Variants in ARK2C observed in about 807,000 individuals in gnomAD.
The protein encoded by ARK2C is E3 ubiquitin-protein ligase ARK2C.
chr18:46,433,835 TC>T, the ARK2C span, among the ~76,000 whole-genome samples: 1 of 152,214 alleles, frequency 6.6e-6, no homozygotes, highest in Non-Finnish European at 1.5e-5. Context: ...TGGTCCACGA[TC>T]CTCACAGTGG....
chr18:46,460,570 T>TA, the ARK2C span: 3 of 152,602 alleles, frequency 2.0e-5, no homozygotes, highest in African/African-American at 7.2e-5. Flanking sequence ...TAATTTTTTT[T>TA]ATTACTCCTA....
chr18:46,424,301 C>T, the ARK2C span, among the ~76,000 whole-genome samples: 1 of 152,140 alleles, frequency 6.6e-6, no homozygotes, highest in African/African-American at 2.4e-5. Context: ...GGCAAGGCCC[C>T]TGGGGGTCTG....
chr18:46,358,110 G>A, the ARK2C span, among the ~76,000 whole-genome samples: 5 of 152,210 alleles, frequency 3.3e-5, 1 homozygote, highest in African/African-American at 1.2e-4. Flanking sequence ...CACACTCACA[G>A]GTACTGGGGA....
At chr18:46,382,775 G>A in the ARK2C span, among the ~76,000 whole-genome samples, 1 of 152,144 alleles carries the variant, frequency 6.6e-6, no homozygotes, top group Non-Finnish European at 1.5e-5. Context: ...CAGACTGAGG[G>A]CCAAGCCTAG....
At chr18:46,404,247 T>C in the ARK2C span, among the ~76,000 whole-genome samples, 2 of 152,212 alleles carry the variant, frequency 1.3e-5, no homozygotes, top group African/African-American at 4.8e-5. Context: ...CGTTACAGCA[T>C]AGCATTGTTG....
At chr18:46,341,925 C>T in the ARK2C span, among the ~76,000 whole-genome samples, 1 of 152,190 alleles carries the variant, frequency 6.6e-6, no homozygotes, top group Non-Finnish European at 1.5e-5. Context: ...TTGCAAAAGG[C>T]CATCCCTACA....
chr18:46,334,673 T>A, the ARK2C span: 3 of 184,010 alleles, frequency 1.6e-5, no homozygotes, highest in Non-Finnish European at 2.8e-5. This position sits in a 1 kb window ranked among gnomAD's most constrained non-coding sequence, Gnocchi z 4.4. Flanking sequence ...TACATGACCG[T>A]GTGTGTGTGT....
the ARK2C span, among the ~76,000 whole-genome samples, chr18:46,384,167 G>A: frequency 3.5e-4 from 53 of 152,280 alleles, no homozygotes; most frequent in Non-Finnish European, 6.2e-4. Flanking sequence ...CCACTGCCCC[G>A]GCCGTGCTTC....
the ARK2C span, among the ~76,000 whole-genome samples, chr18:46,370,820 C>T: frequency 6.6e-6 from 1 of 152,128 alleles, no homozygotes; most frequent in African/African-American, 2.4e-5. Context: ...GGCCAAGATC[C>T]TACAAGCTGT....
the ARK2C span, among the ~76,000 whole-genome samples, chr18:46,369,432 T>A: frequency 1.3e-5 from 2 of 152,004 alleles, no homozygotes; most frequent in Non-Finnish European, 2.9e-5. Context: ...GCTGATTGAC[T>A]CGGGAAGAAG....
At chr18:46,350,647 C>T in the ARK2C span, among the ~76,000 whole-genome samples, 6 of 152,122 alleles carry the variant, frequency 3.9e-5, no homozygotes, top group East Asian at 1.9e-4. Flanking sequence ...CTGCCACGCT[C>T]GGTGGTGGCA....
At chr18:46,375,525 G>T in the ARK2C span, among the ~76,000 whole-genome samples, 6 of 151,042 alleles carry the variant, frequency 4.0e-5, no homozygotes, top group African/African-American at 1.2e-4. Flanking sequence ...CTGCACTCCA[G>T]CCTGGGTGAC....
the ARK2C span, chr18:46,334,810 G>GTTTT: frequency 6.5e-6 from 1 of 153,092 alleles, no homozygotes; most frequent in Non-Finnish European, 1.2e-5. The surrounding 1 kb of genome is among the most constrained non-coding windows in gnomAD (Gnocchi z 4.4). Flanking sequence ...TGTGTGTTTT[G>GTTTT]TATTCATTTT....
the ARK2C span, among the ~76,000 whole-genome samples, chr18:46,417,948 G>A: frequency 1.3e-5 from 2 of 151,790 alleles, no homozygotes; most frequent in South Asian, 2.1e-4. Context: ...AGGTTGCAGT[G>A]AGCCAAGATC....
chr18:46,450,721 G>C, the ARK2C span: 15 of 1,613,828 alleles, frequency 9.3e-6, no homozygotes, highest in Non-Finnish European at 1.3e-5. Flanking sequence ...TGCAGCTCGA[G>C]GACAGGTTGG....
the ARK2C span, among the ~76,000 whole-genome samples, chr18:46,380,102 G>T: frequency 6.6e-6 from 1 of 152,360 alleles, no homozygotes; most frequent in South Asian, 2.1e-4. Flanking sequence ...CCCACCCAGT[G>T]GGGGTGGAGT....
chr18:46,352,222 C>T, the ARK2C span, among the ~76,000 whole-genome samples: 2 of 152,192 alleles, frequency 1.3e-5, no homozygotes, highest in African/African-American at 2.4e-5. Flanking sequence ...CCTTGATGAA[C>T]TCCAGCTGGT....
chr18:46,395,894 C>T, the ARK2C span, among the ~76,000 whole-genome samples: 2 of 152,264 alleles, frequency 1.3e-5, no homozygotes, highest in South Asian at 4.2e-4. Context: ...ATGGGAAAGC[C>T]CAGTAGTTCT....
At chr18:46,447,736 G>A in the ARK2C span, 2 of 1,613,260 alleles carry the variant, frequency 1.2e-6, no homozygotes, top group Non-Finnish European at 1.7e-6. Context: ...TTGAGTGCCA[G>A]TGGTGGTCTG....
Sources: allele counts gnomAD v4.1 joint callset (sites outside exome capture counted in the v4.1 genomes callset), GRCh38; gene constraint gnomAD v4.1.1; non-coding constraint Gnocchi (gnomAD v3.1); transcripts MANE v1.5; gene names NCBI Gene and HGNC (gene_info 2026-07-23, HGNC 2026-07-21).